VPS54: variants seen among roughly 807,000 people sequenced by gnomAD.
The protein encoded by VPS54 is vacuolar protein sorting-associated protein 54.
A neutral mutation model predicts 121.5 loss-of-function variants in VPS54; 45 were observed. That is an observed-to-expected ratio of 0.37 (90% CI 0.29 to 0.47). The LOEUF is 0.47. VPS54 is among the 20% of genes least tolerant of loss of function. The pLI, the probability that VPS54 is intolerant of heterozygous loss-of-function variation, is 0.99. For synonymous variants in VPS54, 371 were observed against 385.8 expected, an observed-to-expected ratio of 0.96 and a Z score of 0.45; for missense variants, 1,090 against 1,131.4, an observed-to-expected ratio of 0.96 and a Z score of 0.52.
At chr2:64,000,800 C>T (rs1677836469) in intron 1 of VPS54, among the ~76,000 whole-genome samples, 1 of 152,226 alleles carries the variant, frequency 6.6e-6, no homozygotes, top group African/African-American at 2.4e-5. Flanking sequence ...CTGTGGTCAA[C>T]ACTGGCACTG....
At chr2:63,949,285 T>C in intron 7 of VPS54, 122 bp from the exon 8 acceptor site, 2 of 965,574 alleles carry the variant, frequency 2.1e-6, no homozygotes, top group East Asian at 5.4e-5. Flanking sequence ...TAATGCAATG[T>C]TTTCAAAAAA....
intron 1 of VPS54, among the ~76,000 whole-genome samples, chr2:64,009,032 G>A (rs999773644): frequency 6.6e-6 from 1 of 152,110 alleles, no homozygotes; most frequent in African/African-American, 2.4e-5. Context: ...TGTGAAGAGG[G>A]AATCTGAATT....
chr2:63,946,693 T>TA (rs563225101), intron 9 of VPS54, among the ~76,000 whole-genome samples: 3 of 152,012 alleles, frequency 2.0e-5, no homozygotes, highest in Non-Finnish European at 4.4e-5. Context: ...TTTATCTGAC[T>TA]AAAAAAAGTC....
chr2:63,931,312 G>A (rs1162977242), intron 12 of VPS54, among the ~76,000 whole-genome samples: 2 of 152,056 alleles, frequency 1.3e-5, no homozygotes, highest in Non-Finnish European at 2.9e-5. Flanking sequence ...CAGATATATA[G>A]ACCAATGGAA....
chr2:63,983,066 CTTCATT>C (rs1206462218), intron 2 of VPS54, among the ~76,000 whole-genome samples: 1 of 151,966 alleles, frequency 6.6e-6, no homozygotes, highest in African/African-American at 2.4e-5. Context: ...CAATCTGTAC[CTTCATT>C]TTCAACACTT....
chr2:63,959,554 T>C (rs564961406), intron 7 of VPS54, among the ~76,000 whole-genome samples: 2 of 152,098 alleles, frequency 1.3e-5, no homozygotes, highest in Non-Finnish European at 2.9e-5. Context: ...TTGAGCAAAA[T>C]GTAGAAAATC....
In VPS54 at chr2:63,913,210, C is replaced by T; in HGVS notation, c.2422+13G>A. The T allele has an allele frequency of 6.2e-7, 1 of 1,604,940 alleles. No individual in the cohort carries two copies. On this transcript the variant is annotated intron_variant, in intron 18 of 22. Transcript: ENST00000272322. ...AACACTTCAGCAAGTGAATTAAACG[C>T]AAGAATCCATACCCAAATTTTTTGT...
At chr2:63,976,275 C>A (rs573127429) in intron 3 of VPS54, among the ~76,000 whole-genome samples, 36 of 147,844 alleles carry the variant, frequency 2.4e-4, no homozygotes, top group Non-Finnish European at 4.3e-4. Context: ...TTGCTCGAGC[C>A]GGGAGGTTGA....
chr2:63,986,750 ACTT>A (rs1053989727), intron 1 of VPS54, among the ~76,000 whole-genome samples: 1 of 152,178 alleles, frequency 6.6e-6, no homozygotes, highest in African/African-American at 2.4e-5. Flanking sequence ...CTTCGCAAGC[ACTT>A]CTTAATGCCT....
chr2:63,914,521 G>C (rs1673293244), intron 16 of VPS54, among the ~76,000 whole-genome samples: 1 of 152,154 alleles, frequency 6.6e-6, no homozygotes, highest in Non-Finnish European at 1.5e-5. Flanking sequence ...CTGTGCAATT[G>C]CAGGATCAGC....
At chr2:63,948,983 A>G (rs1675115856) in intron 8 of VPS54, 54 bp downstream of exon 8, 6 of 1,589,952 alleles carry the variant, frequency 3.8e-6, no homozygotes, top group Non-Finnish European at 5.1e-6. Context: ...ATGTGTTCTA[A>G]GCCAAGACTG....
chr2:64,001,382 A>G (rs1677870427), intron 1 of VPS54, among the ~76,000 whole-genome samples: 1 of 152,158 alleles, frequency 6.6e-6, no homozygotes, highest in Non-Finnish European at 1.5e-5. Flanking sequence ...CCAAGGTGAT[A>G]CCTAAGATAC....
At chr2:63,991,589 G>T (rs745991518) in intron 1 of VPS54, among the ~76,000 whole-genome samples, 4 of 152,166 alleles carry the variant, frequency 2.6e-5, no homozygotes, top group Non-Finnish European at 5.9e-5. Flanking sequence ...CGGCCAAGCC[G>T]GCTCAACAAA....
intron 2 of VPS54, 93 bp downstream of exon 2, chr2:63,983,771 T>A (rs1676912027): frequency 7.0e-7 from 1 of 1,422,730 alleles, no homozygotes; most frequent in Admixed American, 2.3e-5. Context: ...ATCATAAAAT[T>A]TACTCTTCTA....
intron 3 of VPS54, among the ~76,000 whole-genome samples, chr2:63,973,593 G>T (rs916081175): frequency 6.6e-6 from 1 of 152,074 alleles, no homozygotes; most frequent in Admixed American, 6.6e-5. Context: ...GTCTAGTTCT[G>T]TTGCCCAGGC....
intron 3 of VPS54, among the ~76,000 whole-genome samples, chr2:63,976,000 G>A (rs1297281748): frequency 5.9e-5 from 9 of 152,308 alleles, no homozygotes; most frequent in Non-Finnish European, 1.0e-4. Flanking sequence ...GAAGTGCTGG[G>A]ATTACAGGCG....
intron 1 of VPS54, among the ~76,000 whole-genome samples, chr2:64,006,983 A>G (rs1678187373): frequency 6.6e-6 from 1 of 152,240 alleles, no homozygotes; most frequent in Non-Finnish European, 1.5e-5. Flanking sequence ...AAAATTTTAA[A>G]ATAAATGCAA....
intron 1 of VPS54, among the ~76,000 whole-genome samples, chr2:63,995,389 C>A (rs568897395): frequency 6.6e-6 from 1 of 152,188 alleles, no homozygotes; most frequent in Admixed American, 6.5e-5. Context: ...ATCTGGATTC[C>A]GGTAACTTTG....
At chr2:63,913,125 G>C (rs1278328097) in intron 18 of VPS54, 98 bp downstream of exon 18, 1 of 971,792 alleles carries the variant, frequency 1.0e-6, no homozygotes, top group African/African-American at 1.7e-5. Context: ...TGCCACTTTG[G>C]TTAGAGCCAT....
Sources: gnomAD v4.1 joint callset for allele counts (sites outside exome capture counted in the v4.1 genomes callset) on GRCh38, gnomAD v4.1.1 for gene constraint, MANE v1.5 for transcripts, NCBI Gene and HGNC (gene_info 2026-07-23, HGNC 2026-07-21) for gene names.